ZNF106: variants seen among roughly 807,000 people sequenced by gnomAD.
ZNF106 encodes zinc finger protein 106, also known as SH3-domain binding protein 3.
In ZNF106, 67 loss-of-function variants were observed where a neutral mutation model predicts 195.1. The ratio of observed to expected loss-of-function variants is 0.34; its 90% CI spans 0.28 to 0.42. ZNF106 has a LOEUF of 0.42. Among genes scored for constraint, ZNF106 ranks in the 10% least tolerant of loss-of-function variants. The pLI is 1.00. For synonymous variants in ZNF106, 784 were observed against 818.6 expected (o/e 0.96, Z 0.72); for missense variants, 2,118 against 2,304.5 (o/e 0.92, Z 1.66).
Position 42,414,758 on chromosome 15 carries a change from ACTGC to A in ZNF106, c.*2542_*2545del. 6.6e-6 allele frequency: 1 copy of A among 152,380 alleles called. No homozygotes were observed. Among genetic ancestry groups the A allele is most frequent in the Admixed American group, 6.5e-5 (1 of 15,308 alleles). 9.4% of individuals were successfully genotyped at this position (152,380 alleles called of 1,614,324 possible). A position where few individuals can be genotyped will look rare whatever the true frequency, so the allele number is the denominator to read the frequency against. On this transcript the variant is annotated 3_prime_UTR_variant, in exon 22 of 22. Transcript: ENST00000564754. ...GCAGAGCATTCGAGGCTCTCAGCAC[ACTGC>A]CAGCCAGCGTGAAAATGCGGCTTCA...
intron 3 of ZNF106, among the ~76,000 whole-genome samples, chr15:42,458,720 G>GA (rs879705408): frequency 8.8e-4 from 113 of 128,488 alleles, no homozygotes; most frequent in Middle Eastern, 3.7e-3. Context: ...AAAAACAAAA[G>GA]AAAAAAAAAA....
intron 11 of ZNF106, 147 bp downstream of exon 11, chr15:42,438,886 G>A (rs1200995287): frequency 4.1e-6 from 4 of 983,884 alleles, no homozygotes; most frequent in East Asian, 2.6e-5. Flanking sequence ...CTCTACTGCT[G>A]AGCTTTAATT....
intron 17 of ZNF106, 117 bp from the exon 18 acceptor site, chr15:42,422,737 A>T: frequency 5.9e-6 from 6 of 1,019,104 alleles, no homozygotes; most frequent in Non-Finnish European, 5.4e-6. Flanking sequence ...TAATTAATAC[A>T]ATTAATTGTA....
chr15:42,426,971 G>A (rs766062205), intron 15 of ZNF106, among the ~76,000 whole-genome samples: 1 of 152,084 alleles, frequency 6.6e-6, no homozygotes, highest in Non-Finnish European at 1.5e-5. Flanking sequence ...GTTTCCTGTA[G>A]GCAGAAACCA....
chr15:42,459,968 G>C (rs1038798250), intron 3 of ZNF106, among the ~76,000 whole-genome samples: 4 of 151,664 alleles, frequency 2.6e-5, no homozygotes, highest in African/African-American at 9.7e-5. Flanking sequence ...GCTTGAACCT[G>C]GGAGGTGGAG....
chr15:42,422,091 G>A (rs1192487860), intron 18 of ZNF106, 103 bp from the exon 19 acceptor site: 31 of 882,294 alleles, frequency 3.5e-5, no homozygotes, highest in Non-Finnish European at 4.4e-5. Context: ...CACCTGAGGC[G>A]CCAAGTGGAA....
Position 42,450,835 on chromosome 15 carries a change from T to C in ZNF106, c.1437A>G (p.Pro479=). 1 of 1,614,156 alleles carries C rather than the reference T, an allele frequency of 6.2e-7. No individual in the cohort carries two copies. The highest frequency in any genetic ancestry group is 2.2e-5 in the East Asian group (1 of 44,886). The change falls in exon 5 of 22, where the codon CCA becomes CCG. Residue 479 remains proline, a synonymous_variant. Transcript: ENST00000564754. ...KMPSLKSPLL[P]CPATKSLSQK... ...GAGACAATGATTTAGTGGCTGGACATGGAAGGAGTGGGGATTTCAATGATG... is the reference window on the plus strand; with the variant it reads ...GAGACAATGATTTAGTGGCTGGACACGGAAGGAGTGGGGATTTCAATGATG...
chr15:42,480,154 G>A (rs1224758219), intron 1 of ZNF106, among the ~76,000 whole-genome samples: 1 of 152,172 alleles, frequency 6.6e-6, no homozygotes, highest in African/African-American at 2.4e-5. Context: ...AAAGAAGAAT[G>A]TTCAAATCTC....
chr15:42,454,068 C>G lies in ZNF106; in HGVS notation c.318-2114G>C, dbSNP rs115925631. ...TCAACATCTCAAAACAAAGTTTCCACATTTAAGTTCCTTCCTCTGACCTTG... is the reference window on the plus strand; with the variant it reads ...TCAACATCTCAAAACAAAGTTTCCAGATTTAAGTTCCTTCCTCTGACCTTG... On this transcript the variant is annotated intron_variant, in intron 4 of 21. Transcript: ENST00000564754. 8.2e-3 allele frequency among the ~76,000 whole-genome samples: 1,254 copies of G among 152,304 alleles called. 19 individuals are homozygous for G. Among genetic ancestry groups the G allele is most frequent in the African/African-American group, 0.029 (1,205 of 41,568 alleles).
intron 15 of ZNF106, chr15:42,427,683 T>C (rs1433480906): frequency 5.1e-6 from 1 of 194,400 alleles, no homozygotes; most frequent in African/African-American, 2.3e-5. Flanking sequence ...GTGTATGTGC[T>C]GTCAAAGTGA....
chr15:42,473,363 T>C (rs1183885777), intron 1 of ZNF106, among the ~76,000 whole-genome samples: 62 of 152,192 alleles, frequency 4.1e-4, no homozygotes, highest in Admixed American at 4.0e-3. Context: ...ATGGCTACAA[T>C]ATCTGTTTCT....
chr15:42,437,132 C>A, intron 13 of ZNF106, 100 bp downstream of exon 13: 1 of 1,337,180 alleles, frequency 7.5e-7, no homozygotes, highest in Non-Finnish European at 1.0e-6. Flanking sequence ...CCACCCCTTC[C>A]TTCAGACAGC....
chr15:42,468,225 C>A (rs943481769), intron 2 of ZNF106, among the ~76,000 whole-genome samples: 1 of 151,452 alleles, frequency 6.6e-6, no homozygotes, highest in South Asian at 2.1e-4. Context: ...TACAGGCATG[C>A]GCCACTATGC....
intron 3 of ZNF106, among the ~76,000 whole-genome samples, chr15:42,460,567 A>C (rs2056364238): frequency 6.6e-6 from 1 of 152,256 alleles, no homozygotes; most frequent in Non-Finnish European, 1.5e-5. Context: ...CAATAAGTGC[A>C]GTATAAAAGT....
intron 1 of ZNF106, among the ~76,000 whole-genome samples, chr15:42,485,786 G>C (rs549575055): frequency 1.3e-5 from 2 of 152,086 alleles, no homozygotes; most frequent in Non-Finnish European, 2.9e-5. Context: ...AATGTGGTAC[G>C]AAAGCACCCA....
At position 42,428,004 on chromosome 15, in the gene ZNF106, C is replaced by T; in HGVS notation, c.4998+14G>A. 2 of 1,609,114 alleles carry T rather than the reference C, an allele frequency of 1.2e-6. No homozygotes were observed. Among genetic ancestry groups the T allele is most frequent in the Non-Finnish European group, 8.5e-7 (1 of 1,175,584 alleles). Reference sequence around the variant, plus strand: ...GTGCATGGGAAGTAAGCCTTTTCTCCTCCAACCACTAACCTTTATGTTGAA... The same window carrying T: ...GTGCATGGGAAGTAAGCCTTTTCTCTTCCAACCACTAACCTTTATGTTGAA... On this transcript the variant is annotated intron_variant, in intron 15 of 21. Transcript: ENST00000564754.
At chr15:42,427,925 A>G (rs758778518) in intron 15 of ZNF106, 93 bp downstream of exon 15, 19 of 1,043,204 alleles carry the variant, frequency 1.8e-5, no homozygotes, top group Non-Finnish European at 2.5e-5. Flanking sequence ...ACAGAAGAAA[A>G]TAGGAAAATC....
intron 16 of ZNF106, 25 bp from the exon 17 acceptor site, chr15:42,424,085 A>T (rs1452786857): frequency 6.2e-7 from 1 of 1,602,336 alleles, no homozygotes; most frequent in East Asian, 2.2e-5. Flanking sequence ...TAAACAAGTC[A>T]GATTCTGTAT....
In ZNF106 at chr15:42,450,245, T is replaced by C. The variant is rs1243440387; in HGVS notation, c.2027A>G (p.Glu676Gly). The change falls in exon 5 of 22, where the codon GAA (glutamate) becomes GGA (glycine). Residue 676 changes from glutamate (E) to glycine (G), a missense_variant. Physicochemically the swap from Glu to Gly is moderately conservative, Grantham distance 98. Coordinates refer to ENST00000564754, the MANE Select transcript of ZNF106 (RefSeq NM_001366845.3). The part of the protein sequence containing the change: ...CNPIVRQKES[E>G]LQMTSAASPH... Reference sequence around the variant, plus strand: ...ACTGGCTGCAGATGTCATTTGTAATTCAGATTCTTTCTGGCGAACTATGGG... The same window carrying C: ...ACTGGCTGCAGATGTCATTTGTAATCCAGATTCTTTCTGGCGAACTATGGG... 1.2e-6 allele frequency: 2 copies of C among 1,614,094 alleles called. No homozygotes were observed. Among genetic ancestry groups the C allele is most frequent in the Non-Finnish European group, 1.7e-6 (2 of 1,180,042 alleles).
Sources: gnomAD v4.1 joint callset for allele counts (sites outside exome capture counted in the v4.1 genomes callset) on GRCh38, gnomAD v4.1.1 for gene constraint, MANE v1.5 for transcripts, NCBI Gene and HGNC (gene_info 2026-07-23, HGNC 2026-07-21) for gene names.